The following ZNF121 variants were observed in gnomAD, a reference collection of about 807,000 sequenced individuals.
The protein encoded by ZNF121 is zinc finger protein 121 (clone ZHC32).
A neutral mutation model predicts 2.4 loss-of-function variants in ZNF121; 1 was observed. The ratio of observed to expected loss-of-function variants is 0.41; its 90% confidence interval spans 0.15 to 1.94. ZNF121 has a LOEUF of 1.94. Ranked by LOEUF, ZNF121 falls within the 30% of genes most tolerant of loss-of-function variation. The pLI is 0.30. For synonymous variants in ZNF121, 173 were observed against 158.6 expected (o/e 1.09, Z -0.68); for missense variants, 369 against 466.3 (o/e 0.79, Z 1.92).
intron 1 of ZNF121, among the ~76,000 whole-genome samples, chr19:9,571,807 G>T (rs918590661): frequency 7.2e-5 from 11 of 152,156 alleles, no homozygotes; most frequent in African/African-American, 2.4e-4. Context: ...GGATTAGAGT[G>T]GCATGATCAT....
chr19:9,572,827 G>C (rs989811669), intron 1 of ZNF121, among the ~76,000 whole-genome samples: 1 of 152,092 alleles, frequency 6.6e-6, no homozygotes, highest in East Asian at 1.9e-4. Context: ...TCGAGTTCAA[G>C]ACCAGCAACA....
Position 9,566,449 on chromosome 19 carries a change from G to C in ZNF121, c.664C>G (p.His222Asp). ...CATTCATAGGGCTTCTCTCCAGTGT[G>C]TATTCGTACATGTTTAGTAAGGCCT... ...RSGLTKHVRI[H>D]TGEKPYECNE... is the part of the protein sequence containing the mutation. Residue 222 changes from histidine to aspartate, a missense_variant, in exon 4 of 4, where the codon CAC becomes GAC. By Grantham distance (81) the His-to-Asp change is moderately conservative (BLOSUM62 -1). Coordinates refer to ENST00000320451, the MANE Select transcript of ZNF121 (RefSeq NM_001008727.5). The C allele has an allele frequency of 6.2e-7, 1 of 1,613,926 alleles. No homozygotes were observed. Among genetic ancestry groups the C allele is most frequent in the Non-Finnish European group, 8.5e-7 (1 of 1,179,970 alleles).
rs1277114975 is a variant in ZNF121, at chr19:9,562,691, G to T, written c.*3249C>A. ...TCTAACTGTTCAAGTGAAAGAAGGA[G>T]TTGCAAATTTCTCACTTTAGATCAA... On this transcript the variant is annotated 3_prime_UTR_variant, in exon 4 of 4. Transcript: ENST00000320451. The T allele has an allele frequency of 2.0e-5, 3 of 151,916 alleles. No homozygotes were observed. Among genetic ancestry groups the T allele is most frequent in the Non-Finnish European group, 4.4e-5 (3 of 68,018 alleles). The allele number at this position is 151,916 out of a possible 1,614,324, so 9.4% of individuals were successfully genotyped here.
In ZNF121 at chr19:9,566,297, C is replaced by G; in HGVS notation, c.816G>C (p.Lys272Asn). ...TTCCAGTGTGAATTCTAAAGTGATT[C>G]TTAAGGCATGAAGAGCTTCTGAAGG... ...GKSFRSSSCL[K>N]NHFRIHTGIK... Residue 272 changes from lysine to asparagine, a missense_variant, in exon 4 of 4, where the codon AAG becomes AAC. Coordinates refer to ENST00000320451, the MANE Select transcript of ZNF121 (RefSeq NM_001008727.5). The G allele has an allele frequency of 6.2e-7, 1 of 1,613,948 alleles. No individual in the cohort carries two copies. Among genetic ancestry groups the G allele is most frequent in the Non-Finnish European group, 8.5e-7 (1 of 1,179,966 alleles).
At chr19:9,579,713 G>T (rs1288309134) in intron 1 of ZNF121, among the ~76,000 whole-genome samples, 1 of 152,112 alleles carries the variant, frequency 6.6e-6, no homozygotes, top group East Asian at 1.9e-4. Context: ...ACAGTTAGAA[G>T]AAATAAGAAC....
At position 9,565,387 on chromosome 19, in the gene ZNF121, A is replaced by AAT. The variant is rs1369472195; in HGVS notation, c.*552_*553insAT. On this transcript the variant is annotated 3_prime_UTR_variant, in exon 4 of 4. Coordinates refer to ENST00000320451, the MANE Select transcript of ZNF121 (RefSeq NM_001008727.5). ...AAAAAAAAAAAAAAAAAAAAAAAAA[A>AAT]GGCCAGGAGCAGTGGCTCACTCCTA... 1.9e-4 allele frequency: 27 copies of AAT among 139,772 alleles called. No individual in the cohort carries two copies. The highest frequency in any genetic ancestry group is 9.1e-4 in the Admixed American group (12 of 13,128). The allele number at this position is 139,772 out of a possible 1,614,324, so 8.7% of individuals were successfully genotyped here.
At chr19:9,573,883 G>A (rs934445724) in intron 1 of ZNF121, among the ~76,000 whole-genome samples, 11 of 152,046 alleles carry the variant, frequency 7.2e-5, no homozygotes, top group East Asian at 1.9e-4. Context: ...GTCTCACTCC[G>A]TTGCCCAGGC....
chr19:9,579,506 G>A (rs2074234214), intron 1 of ZNF121, among the ~76,000 whole-genome samples: 1 of 152,170 alleles, frequency 6.6e-6, no homozygotes, highest in Non-Finnish European at 1.5e-5. Context: ...CCAACATGGC[G>A]AAACTCCATC....
At chr19:9,575,597 G>A (rs898281177) in intron 1 of ZNF121, among the ~76,000 whole-genome samples, 3 of 151,904 alleles carry the variant, frequency 2.0e-5, no homozygotes, top group Non-Finnish European at 4.4e-5. Flanking sequence ...ACAAAAATTA[G>A]CCGGGTGTGG....
Position 9,566,381 on chromosome 19 carries a change from A to G in ZNF121, c.732T>C (p.Thr244=). Residue 244 remains threonine (T), a synonymous_variant, in exon 4 of 4, where the codon ACT becomes ACC. Transcript: ENST00000320451. ...CCTCTGTGTGAGTTTTAAAATGTTCAGTTAGTAGATAAAACCTATTGTAGG... is the reference window on the plus strand; with the variant it reads ...CCTCTGTGTGAGTTTTAAAATGTTCGGTTAGTAGATAAAACCTATTGTAGG... ...GKAYNRFYLL[T]EHFKTHTEEK... 6.2e-7 allele frequency: 1 copy of G among 1,613,982 alleles called. No homozygotes were observed. The highest frequency in any genetic ancestry group is 8.5e-7 in the Non-Finnish European group (1 of 1,179,986).
chr19:9,568,305 A>G, intron 2 of ZNF121, 130 bp from the exon 3 acceptor site: 1 of 447,516 alleles, frequency 2.2e-6, no homozygotes, highest in Non-Finnish European at 4.0e-6. Context: ...AAACAGACAT[A>G]GATTTGAACA....
intron 1 of ZNF121, among the ~76,000 whole-genome samples, chr19:9,569,754 A>C (rs952249947): frequency 6.6e-6 from 1 of 150,610 alleles, no homozygotes; most frequent in Non-Finnish European, 1.5e-5. Flanking sequence ...GCTTGTCTTG[A>C]ACTCCCGACC....
At chr19:9,581,085 C>T (rs1389333752) in intron 1 of ZNF121, among the ~76,000 whole-genome samples, 2 of 152,052 alleles carry the variant, frequency 1.3e-5, no homozygotes, top group Non-Finnish European at 2.9e-5. Context: ...TATTTACACA[C>T]ACCATGAGAA....
chr19:9,573,968 T>C (rs1961221263), intron 1 of ZNF121, among the ~76,000 whole-genome samples: 1 of 151,252 alleles, frequency 6.6e-6, no homozygotes, highest in Non-Finnish European at 1.5e-5. Flanking sequence ...CACATCAGCC[T>C]CCCAAGTAAC....
At chr19:9,569,837 T>C (rs1455405885) in intron 1 of ZNF121, among the ~76,000 whole-genome samples, 1 of 132,010 alleles carries the variant, frequency 7.6e-6, no homozygotes, top group South Asian at 2.4e-4. Context: ...CTGGCCGAGA[T>C]CTTTTTTTTT....
intron 1 of ZNF121, among the ~76,000 whole-genome samples, chr19:9,579,490 G>C (rs780660017): frequency 1.3e-5 from 2 of 152,180 alleles, no homozygotes; most frequent in African/African-American, 4.8e-5. Flanking sequence ...TTCGAGACCA[G>C]CCTGGCCAAC....
chr19:9,576,729 G>C (rs2074212560), intron 1 of ZNF121, among the ~76,000 whole-genome samples: 1 of 151,840 alleles, frequency 6.6e-6, no homozygotes, highest in Non-Finnish European at 1.5e-5. Context: ...CCTTTGGCTA[G>C]ACTAAGGGGA....
chr19:9,568,840 G>A (rs1365578970), intron 2 of ZNF121, among the ~76,000 whole-genome samples, 162 bp downstream of exon 2: 1 of 152,118 alleles, frequency 6.6e-6, no homozygotes, highest in Non-Finnish European at 1.5e-5. Context: ...GAAAGTCTGG[G>A]TTAGATGAAA....
intron 1 of ZNF121, among the ~76,000 whole-genome samples, chr19:9,583,189 C>T (rs1445620250): frequency 6.6e-5 from 10 of 150,774 alleles, no homozygotes; most frequent in Admixed American, 5.3e-4. Context: ...TGCACTCCAG[C>T]CTGGGCGACA....
Sources: allele counts gnomAD v4.1 joint callset (sites outside exome capture counted in the v4.1 genomes callset), GRCh38; gene constraint gnomAD v4.1.1; transcripts MANE v1.5; gene names NCBI Gene and HGNC (gene_info 2026-07-23, HGNC 2026-07-21).